Variants in RUNX1T1 observed in about 807,000 individuals in gnomAD.
The protein encoded by RUNX1T1 is RUNX1 partner transcriptional co-repressor 1.
Under a neutral mutation model 62.8 loss-of-function variants are expected in RUNX1T1, and 4 were observed. That is an observed-to-expected ratio of 0.06 (90% CI 0.03 to 0.15). The LOEUF is 0.15. Among genes scored for constraint, RUNX1T1 ranks in the 10% least tolerant of loss-of-function variants. The probability of loss-of-function intolerance (pLI) is 1.00; values close to 1 mark genes in which losing one functional copy is unlikely to be tolerated. For synonymous variants in RUNX1T1, 291 were observed against 286.0 expected (o/e 1.02, Z -0.18); for missense variants, 508 against 754.3 (o/e 0.67, Z 3.82).
intron 9 of RUNX1T1, 132 bp downstream of exon 10, chr8:91,975,768 GTTTTT>G: frequency 1.6e-6 from 1 of 627,670 alleles, no homozygotes; most frequent in South Asian, 2.0e-5. Context: ...TTGTTTAGTG[GTTTTT>G]TTTGTTTTGT....
rs560581945 is a variant in RUNX1T1, at chr8:92,078,794, A to G, written c.-85-2657T>C. Among the ~76,000 whole-genome samples, 3 of 152,348 alleles carry G rather than the reference A, an allele frequency of 2.0e-5. No homozygotes were observed. The South Asian group carries it at 6.2e-4, about 32-fold the overall frequency. ...CAGATGCAGACAGAAAACCTTAATC[A>G]CAGATGGGAATGTAATCATTGGCAT... On this transcript the variant is annotated intron_variant, in intron 1 of 11. Transcript: ENST00000265814.
At chr8:92,028,601 C>T (rs1258765169) in intron 1 of RUNX1T1, among the ~76,000 whole-genome samples, 1 of 152,150 alleles carries the variant, frequency 6.6e-6, no homozygotes, top group Non-Finnish European at 1.5e-5. Flanking sequence ...GACTTACACC[C>T]TGGTGTTCTA....
At chr8:91,976,144 C>G in intron 8 of RUNX1T1, 171 bp from the exon 10 acceptor site, 1 of 559,528 alleles carries the variant, frequency 1.8e-6, no homozygotes, top group Non-Finnish European at 3.3e-6. Context: ...AATAGCAAGG[C>G]CTGTCATCAG....
intron 8 of RUNX1T1, among the ~76,000 whole-genome samples, chr8:91,982,311 C>T (rs561890519): frequency 6.7e-6 from 1 of 148,248 alleles, no homozygotes; most frequent in Admixed American, 6.7e-5. Flanking sequence ...CACACAGATA[C>T]AAGACAAACT....
At chr8:92,090,030 AGTTGG>A (rs1836746135) in intron 1 of RUNX1T1, among the ~76,000 whole-genome samples, 3 of 148,852 alleles carry the variant, frequency 2.0e-5, no homozygotes, top group African/African-American at 7.4e-5. Context: ...TCCGTATGAG[AGTTGG>A]GAAGCCTAAG....
At chr8:92,021,597 T>A (rs1824107076) in intron 1 of RUNX1T1, among the ~76,000 whole-genome samples, 1 of 152,116 alleles carries the variant, frequency 6.6e-6, no homozygotes. Flanking sequence ...GTTGACTCTC[T>A]CCACCATTAG....
chr8:92,048,212 G>A (rs950057326), intron 1 of RUNX1T1, among the ~76,000 whole-genome samples: 4 of 152,108 alleles, frequency 2.6e-5, no homozygotes, highest in East Asian at 1.9e-4. Context: ...TGTTTTAGAC[G>A]TTTAAGGACT....
At chr8:91,964,791 T>G (rs915829677) in intron 10 of RUNX1T1, among the ~76,000 whole-genome samples, 3 of 152,074 alleles carry the variant, frequency 2.0e-5, no homozygotes, top group Non-Finnish European at 2.9e-5. Flanking sequence ...GGACAGAAAT[T>G]GAACCATAAA....
chr8:91,956,447 G>A (rs1394449897), downstream of RUNX1T1: 2 of 228,232 alleles, frequency 8.8e-6, no homozygotes, highest in Non-Finnish European at 8.7e-6. Context: ...TCAGGCTGGG[G>A]TCACTGGTGG....
exon 6 of RUNX1T1, chr8:91,991,820 A>T: frequency 6.2e-7 from 1 of 1,614,138 alleles, no homozygotes; most frequent in Non-Finnish European, 8.5e-7. Context: ...GGCCTGGGCT[A>T]ATAGTGCATG....
chr8:92,008,386 TCTCACACACACACACACA>T, intron 4 of RUNX1T1, among the ~76,000 whole-genome samples: 1 of 49,134 alleles, frequency 2.0e-5, no homozygotes, highest in Non-Finnish European at 4.3e-5. Context: ...TCTCTCTCTC[TCTCACACACACACACACA>T]CACACACACA....
At chr8:92,015,605 A>G (rs1282518575) in intron 2 of RUNX1T1, among the ~76,000 whole-genome samples, 1 of 152,226 alleles carries the variant, frequency 6.6e-6, no homozygotes, top group Non-Finnish European at 1.5e-5. Context: ...ATAAAAAGAA[A>G]GCAAAAAGTT....
At chr8:92,049,230 T>C (rs1212404603) in intron 1 of RUNX1T1, among the ~76,000 whole-genome samples, 2 of 152,200 alleles carry the variant, frequency 1.3e-5, no homozygotes, top group Non-Finnish European at 2.9e-5. Flanking sequence ...AAGGCAACTA[T>C]CTTTTTCGAA....
At chr8:92,021,224 A>C (rs900276598) in intron 1 of RUNX1T1, among the ~76,000 whole-genome samples, 1 of 152,234 alleles carries the variant, frequency 6.6e-6, no homozygotes, top group African/African-American at 2.4e-5. Flanking sequence ...CTGTAACAGG[A>C]AACAGGAAAG....
rs1204806383 is a variant in RUNX1T1, at chr8:92,095,527, G to A, written c.-86+4053C>T. ...AGGAGAGAAGCCAACGTGCATCAGGGTGATTACAATATCAGCAGGGCCCAG... is the reference window on the plus strand; with the variant it reads ...AGGAGAGAAGCCAACGTGCATCAGGATGATTACAATATCAGCAGGGCCCAG... On this transcript the variant is annotated intron_variant, in intron 1 of 11. Transcript: ENST00000265814. The A allele has an allele frequency of 9.4e-6, 14 of 1,495,904 alleles. No individual in the cohort carries two copies. The Middle Eastern group carries it at 5.2e-4, about 55-fold the overall frequency. The allele number at this position is 1,495,904 out of a possible 1,614,324, so 92.7% of individuals were successfully genotyped here.
intron 10 of RUNX1T1, among the ~76,000 whole-genome samples, chr8:91,963,840 T>C (rs1280606316): frequency 6.6e-6 from 1 of 152,212 alleles, no homozygotes; most frequent in Non-Finnish European, 1.5e-5. Flanking sequence ...ATGACTGAGC[T>C]TCCCTTTCAG....
At chr8:92,041,238 C>A (rs1421788755) in intron 1 of RUNX1T1, among the ~76,000 whole-genome samples, 1 of 146,482 alleles carries the variant, frequency 6.8e-6, no homozygotes, top group Non-Finnish European at 1.5e-5. Flanking sequence ...AAGGGGCATG[C>A]ATGATTTCAC....
chr8:92,042,944 A>AC (rs2130169102), intron 1 of RUNX1T1, among the ~76,000 whole-genome samples: 1 of 152,310 alleles, frequency 6.6e-6, no homozygotes, highest in Non-Finnish European at 1.5e-5. Context: ...AGACTTGAAA[A>AC]AACAACCACA....
intron 10 of RUNX1T1, among the ~76,000 whole-genome samples, chr8:91,966,297 T>A (rs1209350611): frequency 1.3e-5 from 2 of 151,758 alleles, no homozygotes; most frequent in Non-Finnish European, 2.9e-5. Flanking sequence ...CTATGTTTTA[T>A]TCAGAGTCTA....
Sources: allele counts gnomAD v4.1 joint callset (sites outside exome capture counted in the v4.1 genomes callset), GRCh38; gene constraint gnomAD v4.1.1; transcripts MANE v1.5; gene names NCBI Gene and HGNC (gene_info 2026-07-23, HGNC 2026-07-21).